The following SNAP29 variants were observed in gnomAD, a reference collection of about 807,000 sequenced individuals.
SNAP29 encodes synaptosome associated protein 29.
In SNAP29, 13 loss-of-function variants were observed where a neutral mutation model predicts 27.9. The ratio of observed to expected loss-of-function variants is 0.47; its 90% confidence interval spans 0.30 to 0.74. The LOEUF is 0.74. Among genes scored for constraint, SNAP29 ranks in the 30% least tolerant of loss-of-function variants. The pLI, the probability that SNAP29 is intolerant of heterozygous loss-of-function variation, is 0.06. For missense variants in SNAP29, 368 were observed against 336.5 expected (o/e 1.09, Z -0.73); for synonymous variants, 119 against 127.1 (o/e 0.94, Z 0.43).
At chr22:20,867,309 G>A (rs1928483421) in intron 1 of SNAP29, among the ~76,000 whole-genome samples, 1 of 151,836 alleles carries the variant, frequency 6.6e-6, no homozygotes, top group South Asian at 2.1e-4. Context: ...ACGGGAAGTT[G>A]GAGAAGATGG....
At chr22:20,886,607 C>A (rs1244064465) in intron 4 of SNAP29, among the ~76,000 whole-genome samples, 1 of 149,246 alleles carries the variant, frequency 6.7e-6, no homozygotes, top group African/African-American at 2.5e-5. Context: ...CCACACTCAG[C>A]CTATCTTTTT....
At chr22:20,876,568 C>CTTT (rs144163820) in intron 2 of SNAP29, among the ~76,000 whole-genome samples, 14 of 117,132 alleles carry the variant, frequency 1.2e-4, no homozygotes, top group South Asian at 5.5e-4. Flanking sequence ...CACTTAAAAG[C>CTTT]TTTTTTTTTT....
chr22:20,862,625 G>A (rs1428804109), intron 1 of SNAP29, among the ~76,000 whole-genome samples: 2 of 152,164 alleles, frequency 1.3e-5, no homozygotes, highest in East Asian at 3.8e-4. Context: ...GCCCCCAAAG[G>A]TCTTTCTATG....
At chr22:20,866,322 G>T (rs1469764657) in intron 1 of SNAP29, among the ~76,000 whole-genome samples, 1 of 152,212 alleles carries the variant, frequency 6.6e-6, no homozygotes, top group Non-Finnish European at 1.5e-5. Flanking sequence ...TCTGCCATGG[G>T]TGCTCACGTA....
chr22:20,868,554 G>A (rs1928513866), intron 1 of SNAP29, among the ~76,000 whole-genome samples: 2 of 152,126 alleles, frequency 1.3e-5, no homozygotes, highest in Non-Finnish European at 2.9e-5. Flanking sequence ...TGCTCTTCAG[G>A]TTTCCAGGAT....
intron 1 of SNAP29, among the ~76,000 whole-genome samples, chr22:20,866,149 G>A (rs1928454488): frequency 3.3e-5 from 5 of 152,366 alleles, no homozygotes; most frequent in Middle Eastern, 6.8e-3. Context: ...GAGCTGCTGA[G>A]CTAGCCTTTT....
chr22:20,869,450 A>G (rs1928534300), intron 1 of SNAP29, among the ~76,000 whole-genome samples: 1 of 152,172 alleles, frequency 6.6e-6, no homozygotes, highest in African/African-American at 2.4e-5. Context: ...TGGTGTGTGC[A>G]AAGGCCCTGG....
In SNAP29 at chr22:20,874,307, G is replaced by GACAC. The variant is rs201563524; in HGVS notation, c.434+3780_434+3783dup. Among the ~76,000 whole-genome samples, 3 of 117,692 alleles carry GACAC rather than the reference G, an allele frequency of 2.5e-5. No individual in the cohort carries two copies. The East Asian group carries it at 6.9e-4, about 27-fold the overall frequency. The allele number at this position is 117,692 out of a possible 152,430, so 77.2% of individuals were successfully genotyped here. The stretch of plus-strand genomic sequence containing the variant: ...ACAGAGCAAGACTCTGACACACACA[G>GACAC]ACACACACAGACACACACACACACA... On this transcript the variant is annotated intron_variant, in intron 2 of 4. Transcript: ENST00000215730.
At chr22:20,870,308 A>G (rs368893266) in intron 1 of SNAP29, 29 bp from the exon 2 acceptor site, 5 of 1,611,052 alleles carry the variant, frequency 3.1e-6, no homozygotes, top group African/African-American at 1.3e-5. Flanking sequence ...ACAGAAAGCT[A>G]TAATGCCACT....
chr22:20,888,156 A>G lies in SNAP29; in HGVS notation c.*320A>G, dbSNP rs1929065065. On this transcript the variant is annotated 3_prime_UTR_variant, in exon 5 of 5. Coordinates refer to ENST00000215730, the MANE Select transcript of SNAP29 (RefSeq NM_004782.4). ...AGTTGCATTTCTCATTTTAATGAGC[A>G]TATGGAAAGATGGGAACAGAATTTC... 2.7e-6 allele frequency: 1 copy of G among 369,386 alleles called. No homozygotes were observed. The highest frequency in any genetic ancestry group is 5.2e-6 in the Non-Finnish European group (1 of 193,408). 22.9% of individuals were successfully genotyped at this position (369,386 alleles called of 1,614,324 possible).
rs191082970 is a variant in SNAP29 at position 20,891,069 on chromosome 22, A to G, written c.*3233A>G. 3.7e-4 allele frequency: 56 copies of G among 152,282 alleles called. 1 individual carries two copies. The highest frequency in any genetic ancestry group is 1.3e-3 in the African/African-American group (55 of 41,556). 9.4% of individuals were successfully genotyped at this position (152,282 alleles called of 1,614,324 possible). ...TGTCTCAAAAAATAAAAAATAGTGC[A>G]CTGTCCTTCGAGAAAGTTTTCTAAC... On this transcript the variant is annotated 3_prime_UTR_variant, in exon 5 of 5. Coordinates refer to ENST00000215730, the MANE Select transcript of SNAP29 (RefSeq NM_004782.4).
intron 2 of SNAP29, among the ~76,000 whole-genome samples, chr22:20,872,217 TTTTA>T (rs1028728173): frequency 1.4e-5 from 2 of 143,372 alleles, no homozygotes; most frequent in Non-Finnish European, 3.0e-5. Context: ...TCTCTCTCTC[TTTTA>T]TTTATTTATT....
chr22:20,875,880 G>T (rs1160659646), intron 2 of SNAP29, among the ~76,000 whole-genome samples: 1 of 152,106 alleles, frequency 6.6e-6, no homozygotes, highest in East Asian at 1.9e-4. Context: ...TGGGGGGGCG[G>T]CTGGGTGCAG....
chr22:20,875,753 A>C (rs1356172762), intron 2 of SNAP29, among the ~76,000 whole-genome samples: 3 of 152,148 alleles, frequency 2.0e-5, no homozygotes, highest in Non-Finnish European at 2.9e-5. Context: ...CCAGGAGTTG[A>C]AGATCAGCCT....
At position 20,880,923 on chromosome 22, in the gene SNAP29, A is replaced by G. The variant is rs554742900; in HGVS notation, c.435-126A>G. 7.3e-6 allele frequency: 5 copies of G among 681,340 alleles called. No homozygotes were observed. The Admixed American group carries it at 1.1e-4, about 15-fold the overall frequency. The allele number at this position is 681,340 out of a possible 1,614,324, so 42.2% of individuals were successfully genotyped here. On this transcript the variant is annotated intron_variant, in intron 2 of 4. Coordinates refer to ENST00000215730, the MANE Select transcript of SNAP29 (RefSeq NM_004782.4). The stretch of plus-strand genomic sequence containing the variant: ...CTGTTGAAATCCCTACTTTGGTCAG[A>G]AGGAGTTTGGCACAGAGGAGGCATT...
At chr22:20,875,456 G>A (rs1928716945) in intron 2 of SNAP29, among the ~76,000 whole-genome samples, 1 of 152,194 alleles carries the variant, frequency 6.6e-6, no homozygotes, top group Admixed American at 6.5e-5. Context: ...ATATGGGGGA[G>A]GCAGACAGTC....
Position 20,859,146 on chromosome 22 carries a change from C to T in SNAP29, c.36C>T (p.Asp12=), listed in dbSNP as rs938610805. The change falls in exon 1 of 5, where the codon GAC becomes GAT. Residue 12 remains aspartate, a synonymous_variant. Transcript: ENST00000215730. The part of the protein sequence containing the change: ...SAYPKSYNPF[D]DDGEDEGARP... ...ACCCTAAAAGCTACAATCCGTTCGA[C>T]GACGACGGGGAGGACGAAGGCGCCC... The T allele has an allele frequency of 6.2e-6, 10 of 1,607,870 alleles. No individual in the cohort carries two copies. Among genetic ancestry groups the T allele is most frequent in the Non-Finnish European group, 8.5e-7 (1 of 1,178,354 alleles).
chr22:20,874,208 G>C (rs2147866537), intron 2 of SNAP29, among the ~76,000 whole-genome samples: 1 of 145,062 alleles, frequency 6.9e-6, no homozygotes, highest in African/African-American at 2.5e-5. Context: ...CCAGGAGGCG[G>C]AGCTTACAGT....
chr22:20,881,720 G>A (rs894778511), intron 3 of SNAP29, among the ~76,000 whole-genome samples: 8 of 152,106 alleles, frequency 5.3e-5, no homozygotes, highest in Admixed American at 6.6e-5. Flanking sequence ...AAAAGAAAAT[G>A]AGCGTGCCCA....
Sources: gnomAD v4.1 joint callset for allele counts (sites outside exome capture counted in the v4.1 genomes callset) on GRCh38, gnomAD v4.1.1 for gene constraint, MANE v1.5 for transcripts, NCBI Gene and HGNC (gene_info 2026-07-23, HGNC 2026-07-21) for gene names.